Variants in DNAH14 observed in about 807,000 individuals in gnomAD.
The protein encoded by DNAH14 is dynein axonemal heavy chain 14.
DNAH14 carries 478 observed loss-of-function variants against 520.9 expected under a neutral mutation model. The ratio of observed to expected loss-of-function variants is 0.92; its 90% CI spans 0.85 to 0.99. DNAH14 has a LOEUF of 0.99. DNAH14 is among the 50% of genes least tolerant of loss of function. DNAH14 has a pLI of 0.00. For missense variants in DNAH14, 4,831 were observed against 5,234.5 expected, an observed-to-expected ratio of 0.92 and a Z score of 2.38; for synonymous variants, 1,581 against 1,757.2, an observed-to-expected ratio of 0.90 and a Z score of 2.51.
chr1:225,305,156 A>G, intron 58 of DNAH14, 67 bp downstream of exon 58: 1 of 1,468,964 alleles, frequency 6.8e-7, no homozygotes, highest in Non-Finnish European at 9.0e-7. Flanking sequence ...AAAGAGACAC[A>G]AATGCAAAAT....
At chr1:225,093,710 A>G (rs2074626999) in intron 21 of DNAH14, among the ~76,000 whole-genome samples, 1 of 152,186 alleles carries the variant, frequency 6.6e-6, no homozygotes, top group African/African-American at 2.4e-5. Flanking sequence ...TTTGTAGACC[A>G]TATGATTCTA....
chr1:224,961,854 G>A (rs536985807), intron 4 of DNAH14, among the ~76,000 whole-genome samples: 1 of 152,034 alleles, frequency 6.6e-6, no homozygotes, highest in African/African-American at 2.4e-5. Flanking sequence ...TTTGAAATTG[G>A]TATCTAGTGT....
chr1:225,204,334 G>A (rs773374760), intron 39 of DNAH14, 61 bp downstream of exon 39: 210 of 955,690 alleles, frequency 2.2e-4, no homozygotes, highest in Non-Finnish European at 3.1e-4. Context: ...CAACCAATAT[G>A]AGCTATATTT....
chr1:225,219,347 GA>G, intron 41 of DNAH14, among the ~76,000 whole-genome samples: 1 of 147,190 alleles, frequency 6.8e-6, no homozygotes, highest in African/African-American at 2.5e-5. Flanking sequence ...AGAGACAGGA[GA>G]AACCCTTCAA....
At chr1:225,201,283 G>T (rs1051558151) in intron 38 of DNAH14, among the ~76,000 whole-genome samples, 14 of 151,644 alleles carry the variant, frequency 9.2e-5, no homozygotes, top group Non-Finnish European at 1.6e-4. Flanking sequence ...GTTATTTTTT[G>T]ACTTCCTTAA....
chr1:225,086,016 T>A (rs537403569), intron 21 of DNAH14, among the ~76,000 whole-genome samples: 1 of 152,060 alleles, frequency 6.6e-6, no homozygotes, highest in Non-Finnish European at 1.5e-5. Flanking sequence ...AAAGATAAAT[T>A]TAGATCATAG....
intron 77 of DNAH14, 27 bp from the exon 78 acceptor site, chr1:225,374,661 T>A: frequency 6.6e-7 from 1 of 1,504,524 alleles, no homozygotes; most frequent in East Asian, 2.5e-5. Flanking sequence ...CATACTGAAA[T>A]AATAAAGACT....
In DNAH14 at chr1:225,322,812, A is replaced by T; in HGVS notation, c.9484A>T (p.Ile3162Leu). The T allele has an allele frequency of 6.5e-7, 1 of 1,549,680 alleles. No homozygotes were observed. The change falls in exon 62 of 86, where the codon ATA becomes TTA. Residue 3162 changes from isoleucine to leucine, a missense_variant. Ile to Leu is a conservative substitution (Grantham distance 5, BLOSUM62 2). Coordinates refer to ENST00000682510, the MANE Select transcript of DNAH14 (RefSeq NM_001367479.1). ...ATTGATTAACCTTGACAAGGACAGC[A>T]TACCTGATAAGGTAAAAAGTTGATC... ...KKLINLDKDS[I>L]PDKVFVKLKK... is the part of the protein sequence containing the mutation.
chr1:225,390,636 C>T (rs78042154), intron 83 of DNAH14, among the ~76,000 whole-genome samples: 1,906 of 152,234 alleles, frequency 0.013, 42 homozygotes, highest in African/African-American at 0.042. Context: ...GAAATAACAT[C>T]TAGGATGTCT....
At chr1:225,355,971 T>C (rs75926569) in intron 73 of DNAH14, among the ~76,000 whole-genome samples, 2,346 of 152,272 alleles carry the variant, frequency 0.015, 61 homozygotes, top group African/African-American at 0.053. Context: ...TATGTCTGGC[T>C]TATTTCACAT....
intron 17 of DNAH14, among the ~76,000 whole-genome samples, chr1:225,060,165 T>C (rs1045636152): frequency 1.3e-5 from 2 of 152,200 alleles, no homozygotes; most frequent in African/African-American, 4.8e-5. Context: ...CAGATGTAGA[T>C]TTGGTCTTTT....
intron 17 of DNAH14, among the ~76,000 whole-genome samples, chr1:225,065,937 A>C (rs749017202): frequency 6.6e-6 from 1 of 152,082 alleles, no homozygotes; most frequent in Non-Finnish European, 1.5e-5. Flanking sequence ...AGGAACCTCC[A>C]TACAGTTTTC....
At chr1:225,118,847 C>T (rs1348211520) in intron 25 of DNAH14, among the ~76,000 whole-genome samples, 3 of 146,488 alleles carry the variant, frequency 2.0e-5, no homozygotes, top group Non-Finnish European at 3.0e-5. Flanking sequence ...GGCACCATTG[C>T]ACTCCAGCCT....
chr1:225,328,526 C>T (rs1045422856), intron 64 of DNAH14, among the ~76,000 whole-genome samples: 9 of 151,826 alleles, frequency 5.9e-5, no homozygotes, highest in Non-Finnish European at 1.3e-4. Flanking sequence ...AGTTTTAAGC[C>T]CTTCGTGGAA....
At chr1:225,256,358 C>T (rs1387491686) in intron 44 of DNAH14, among the ~76,000 whole-genome samples, 1 of 151,956 alleles carries the variant, frequency 6.6e-6, no homozygotes, top group African/African-American at 2.4e-5. Flanking sequence ...GGGTAGAAAA[C>T]CGGAAGTAAA....
rs1447083060 is a variant in DNAH14 at position 225,205,974 on chromosome 1, T to A, written c.5981T>A (p.Phe1994Tyr). The stretch of plus-strand genomic sequence containing the variant: ...TTAAAAATATTTTTCTCTCCAGATT[T>A]TGATTGGCAGTGGATTATCCTAGAT... ...KVVKIPENHNFDWQWIILDGP... is the reference protein window; with the variant it reads ...KVVKIPENHNYDWQWIILDGP... The change falls in exon 40 of 86, where the codon TTT becomes TAT. Residue 1994 changes from phenylalanine (F) to tyrosine (Y), a missense_variant. Phe to Tyr is a conservative substitution (Grantham distance 22). Transcript: ENST00000682510. The A allele has an allele frequency of 2.2e-5, 34 of 1,549,842 alleles. No homozygotes were observed. Among genetic ancestry groups the A allele is most frequent in the Non-Finnish European group, 2.8e-5 (32 of 1,146,154 alleles).
intron 43 of DNAH14, among the ~76,000 whole-genome samples, chr1:225,244,282 A>G (rs1201930050): frequency 2.6e-5 from 4 of 152,110 alleles, no homozygotes; most frequent in Non-Finnish European, 5.9e-5. Context: ...TTTTTCATCG[A>G]TGTTCATCAG....
At chr1:225,175,951 T>C (rs2149261490) in intron 36 of DNAH14, among the ~76,000 whole-genome samples, 1 of 152,266 alleles carries the variant, frequency 6.6e-6, no homozygotes, top group African/African-American at 2.4e-5. Context: ...AGACAGGGCT[T>C]CACTATGTTG....
chr1:225,290,586 C>CAT (rs1422960995), intron 55 of DNAH14, among the ~76,000 whole-genome samples: 18 of 126,626 alleles, frequency 1.4e-4, no homozygotes, highest in South Asian at 5.1e-4. Flanking sequence ...TTATTTTTGT[C>CAT]ATATATATAT....
Sources: gnomAD v4.1 joint callset for allele counts (sites outside exome capture counted in the v4.1 genomes callset) on GRCh38, gnomAD v4.1.1 for gene constraint, MANE v1.5 for transcripts, NCBI Gene and HGNC (gene_info 2026-07-23, HGNC 2026-07-21) for gene names.